Variants in JAKMIP1 observed in about 807,000 individuals in gnomAD.
The protein encoded by JAKMIP1 is janus kinase and microtubule interacting protein 1.
A neutral mutation model predicts 113.0 loss-of-function variants in JAKMIP1; 33 were observed. The observed-to-expected ratio is 0.29, with a 90% CI of 0.22 to 0.39. JAKMIP1 has a LOEUF of 0.39. Ranked by LOEUF, JAKMIP1 falls within the 10% of genes least tolerant of loss-of-function variation. JAKMIP1 has a pLI of 1.00. For missense variants in JAKMIP1, 813 were observed against 1,080.5 expected, an observed-to-expected ratio of 0.75 and a Z score of 3.47; for synonymous variants, 480 against 459.9, an observed-to-expected ratio of 1.04 and a Z score of -0.56.
chr4:6,152,156 A>G (rs1721643306), intron 1 of JAKMIP1, among the ~76,000 whole-genome samples: 1 of 152,072 alleles, frequency 6.6e-6, no homozygotes, highest in South Asian at 2.1e-4. Context: ...AGACAGAGAG[A>G]GAGTGAGAGA....
Position 6,039,832 on chromosome 4 carries a change from G to A in JAKMIP1, c.2175+807C>T, listed in dbSNP as rs561510186. Among the ~76,000 whole-genome samples the A allele has an allele frequency of 2.0e-5, 3 of 152,262 alleles. No individual in the cohort carries two copies. The South Asian group carries it at 6.2e-4, about 32-fold the overall frequency. ...ATGCTACCTGCTCTCTGTCTTCCTG[G>A]AGCCTGTCATGGGAAGTAGAGTTTT... On this transcript the variant is annotated intron_variant, in intron 18 of 20. Coordinates refer to ENST00000409021, the MANE Select transcript of JAKMIP1 (RefSeq NM_001099433.2).
rs148655169 is a variant in JAKMIP1 at position 6,158,069 on chromosome 4, G to A, written c.-148+42184C>T. Reference sequence around the variant, plus strand: ...AGGGCTCAAGCTGTCGGCCAGCGCCGTCCCTCTCCCTGTGTGAGACGCTGG... The same window carrying A: ...AGGGCTCAAGCTGTCGGCCAGCGCCATCCCTCTCCCTGTGTGAGACGCTGG... On this transcript the variant is annotated intron_variant, in intron 1 of 20. Coordinates refer to ENST00000409021, the MANE Select transcript of JAKMIP1 (RefSeq NM_001099433.2). This position sits in a 1 kb window ranked among gnomAD's most constrained non-coding sequence, Gnocchi z 5.3. Among the ~76,000 whole-genome samples, 13 of 152,232 alleles carry A rather than the reference G, an allele frequency of 8.5e-5. No homozygotes were observed. Among genetic ancestry groups the A allele is most frequent in the African/African-American group, 7.2e-5 (3 of 41,558 alleles).
Position 6,080,195 on chromosome 4 carries a change from G to T in JAKMIP1, c.1219C>A (p.His407Asn), listed in dbSNP as rs781439267. ...FLRLQVLEQQ[H>N]VIDDLSLERE... The stretch of plus-strand genomic sequence containing the variant: ...ACCAGTGAGAGGTCGTCAATGACGT[G>T]CTGCTGCTCCAGCACCTGCAGCCTC... The change falls in exon 7 of 21, where the codon CAC (histidine) becomes AAC (asparagine). Residue 407 changes from histidine to asparagine, a missense_variant. By Grantham distance (68) the His-to-Asn change is moderately conservative. This residue lies in a region of JAKMIP1 where 540 missense variants were observed against 653.9 expected (regional missense o/e 0.83). Coordinates refer to ENST00000409021, the MANE Select transcript of JAKMIP1 (RefSeq NM_001099433.2). The surrounding 1 kb of genome is among the most constrained non-coding windows in gnomAD (Gnocchi z 6.0). The T allele has an allele frequency of 6.2e-6, 10 of 1,612,770 alleles. No homozygotes were observed. In the Admixed American group the frequency reaches 1.5e-4, roughly 24 times the overall value.
In JAKMIP1 at chr4:6,136,821, C is replaced by G. The variant is rs976778225; in HGVS notation, c.-147-23824G>C. Among the ~76,000 whole-genome samples the G allele has an allele frequency of 6.6e-6, 1 of 152,222 alleles. No homozygotes were observed. Among genetic ancestry groups the G allele is most frequent in the Non-Finnish European group, 1.5e-5 (1 of 68,042 alleles). On this transcript the variant is annotated intron_variant, in intron 1 of 20. Transcript: ENST00000409021. The surrounding 1 kb of genome is among the most constrained non-coding windows in gnomAD (Gnocchi z 5.9). ...CTACACAGAAAGCCCTCGAGAACCA[C>G]TGGCAGAAAGCAAAAAGCTAGTTAC...
Position 6,139,077 on chromosome 4 carries a change from CACACACATATACACACACACACACACA to C in JAKMIP1, c.-147-26107_-147-26081del, listed in dbSNP as rs1560257798. ...AGAAACACACACACACACACACACA[CACACACATATACACACACACACACACA>C]CCAGCAGGTCAGCCCTGCTCTCCTC... On this transcript the variant is annotated intron_variant, in intron 1 of 20. Transcript: ENST00000409021. The surrounding 1 kb of genome is among the most constrained non-coding windows in gnomAD (Gnocchi z 5.2). Among the ~76,000 whole-genome samples, 6 of 140,538 alleles carry C rather than the reference CACACACATATACACACACACACACACA, an allele frequency of 4.3e-5. No homozygotes were observed. The East Asian group carries it at 1.2e-3, about 28-fold the overall frequency. 92.2% of individuals were successfully genotyped at this position (140,538 alleles called of 152,430 possible). A position where few individuals can be genotyped will look rare whatever the true frequency, so the allele number is the denominator to read the frequency against.
rs757473072 is a variant in JAKMIP1, at chr4:6,093,342, A to G, written c.625-7713T>C. Among the ~76,000 whole-genome samples, 10 of 152,196 alleles carry G rather than the reference A, an allele frequency of 6.6e-5. No homozygotes were observed. The highest frequency in any genetic ancestry group is 2.2e-4 in the African/African-American group (9 of 41,446). ...CTGGAATCGTGTCTTATTTTTCTCTATAACTCAGTAAATAAATATTCAACT... is the reference window on the plus strand; with the variant it reads ...CTGGAATCGTGTCTTATTTTTCTCTGTAACTCAGTAAATAAATATTCAACT... On this transcript the variant is annotated intron_variant, in intron 3 of 20. Coordinates refer to ENST00000409021, the MANE Select transcript of JAKMIP1 (RefSeq NM_001099433.2). This position sits in a 1 kb window ranked among gnomAD's most constrained non-coding sequence, Gnocchi z 4.6.
intron 20 of JAKMIP1, among the ~76,000 whole-genome samples, 186 bp from the exon 21 acceptor site, chr4:6,026,464 C>T (rs1251114187): frequency 2.0e-5 from 3 of 152,096 alleles, no homozygotes; most frequent in Admixed American, 6.5e-5. Context: ...GGAAACGCAT[C>T]CTGGGGTCTT....
chr4:6,118,505 G>A (rs762848158), intron 1 of JAKMIP1, among the ~76,000 whole-genome samples: 1 of 152,122 alleles, frequency 6.6e-6, no homozygotes, highest in Non-Finnish European at 1.5e-5. Flanking sequence ...GGATTGGTTC[G>A]CAGGAGGTGG....
intron 1 of JAKMIP1, among the ~76,000 whole-genome samples, chr4:6,175,893 A>C (rs953757553): frequency 7.2e-5 from 11 of 152,232 alleles, no homozygotes; most frequent in African/African-American, 2.7e-4. Flanking sequence ...GTCCTCTCTG[A>C]ACCAGTTTCC....
chr4:6,152,345 A>G (rs1721667966), intron 1 of JAKMIP1, among the ~76,000 whole-genome samples: 2 of 152,058 alleles, frequency 1.3e-5, no homozygotes, highest in South Asian at 4.1e-4. Flanking sequence ...TCTTTGGTGG[A>G]GGCTGCATTA....
chr4:6,129,650 C>A lies in JAKMIP1; in HGVS notation c.-147-16653G>T, dbSNP rs949566623. On this transcript the variant is annotated intron_variant, in intron 1 of 20. Coordinates refer to ENST00000409021, the MANE Select transcript of JAKMIP1 (RefSeq NM_001099433.2). The surrounding 1 kb of genome is among the most constrained non-coding windows in gnomAD (Gnocchi z 5.4). Reference sequence around the variant, plus strand: ...TTTGTCCAGACCCCCACTCAGCTGCCGTTCTCAATATTTCCCTACACAGAT... The same window carrying A: ...TTTGTCCAGACCCCCACTCAGCTGCAGTTCTCAATATTTCCCTACACAGAT... Among the ~76,000 whole-genome samples, 7 of 152,110 alleles carry A rather than the reference C, an allele frequency of 4.6e-5. No individual in the cohort carries two copies. The East Asian group carries it at 1.4e-3, about 30-fold the overall frequency.
rs1720517018 is a variant in JAKMIP1, at chr4:6,081,403, C to T, written c.1101+206G>A. On this transcript the variant is annotated intron_variant, in intron 6 of 20. Transcript: ENST00000409021. The surrounding 1 kb of genome is among the most constrained non-coding windows in gnomAD (Gnocchi z 4.6). ...TTTAAGGACACAGCTGTCTGACTCC[C>T]TCTGGGCACAAACACCCACAGCACA... 6.6e-6 allele frequency among the ~76,000 whole-genome samples: 1 copy of T among 152,194 alleles called. No homozygotes were observed. The highest frequency in any genetic ancestry group is 1.5e-5 in the Non-Finnish European group (1 of 68,040).
intron 1 of JAKMIP1, among the ~76,000 whole-genome samples, chr4:6,146,316 A>G (rs1348746533): frequency 6.6e-6 from 1 of 152,180 alleles, no homozygotes; most frequent in Non-Finnish European, 1.5e-5. Context: ...ATTTTGAGAC[A>G]GGGTCTCACT....
At chr4:6,172,188 C>T (rs1724806491) in intron 1 of JAKMIP1, among the ~76,000 whole-genome samples, 1 of 152,206 alleles carries the variant, frequency 6.6e-6, no homozygotes, top group Non-Finnish European at 1.5e-5. Context: ...TCTGACTTGG[C>T]AGGAAAGCTG....
chr4:6,148,515 C>T (rs553488598), intron 1 of JAKMIP1, among the ~76,000 whole-genome samples: 2 of 152,294 alleles, frequency 1.3e-5, no homozygotes, highest in African/African-American at 4.8e-5. Context: ...GGCACGGACT[C>T]TGCGCCGGGC....
Position 6,042,493 on chromosome 4 carries a change from T to A in JAKMIP1, c.2029-266A>T, listed in dbSNP as rs1438358955. On this transcript the variant is annotated intron_variant, in intron 16 of 20. Transcript: ENST00000409021. The surrounding 1 kb of genome is among the most constrained non-coding windows in gnomAD (Gnocchi z 5.2). Reference sequence around the variant, plus strand: ...GATTCAGAGCCTGGATGGACCCGAGTGTGGGCGGCTGCGAGTGTGTGCAGC... The same window carrying A: ...GATTCAGAGCCTGGATGGACCCGAGAGTGGGCGGCTGCGAGTGTGTGCAGC... 6.6e-6 allele frequency among the ~76,000 whole-genome samples: 1 copy of A among 151,704 alleles called. No individual in the cohort carries two copies. The highest frequency in any genetic ancestry group is 1.9e-4 in the East Asian group (1 of 5,152).
intron 13 of JAKMIP1, among the ~76,000 whole-genome samples, chr4:6,052,512 G>T (rs1282720157): frequency 6.6e-6 from 1 of 152,000 alleles, no homozygotes; most frequent in South Asian, 2.1e-4. Flanking sequence ...TGGGTGAGGA[G>T]GTGTGTGCCT....
rs1021422146 is a variant in JAKMIP1 at position 6,050,472 on chromosome 4, T to A, written c.1908+106A>T. 5 of 731,924 alleles carry A rather than the reference T, an allele frequency of 6.8e-6. No individual in the cohort carries two copies. The African/African-American group carries it at 8.9e-5, about 13-fold the overall frequency. The allele number at this position is 731,924 out of a possible 1,614,324, so 45.3% of individuals were successfully genotyped here. On this transcript the variant is annotated intron_variant, in intron 14 of 20. Transcript: ENST00000409021. The surrounding 1 kb of genome is among the most constrained non-coding windows in gnomAD (Gnocchi z 7.4). ...ACTGTGACTTTCAACACAAGGGGTA[T>A]CTCATGAAAATCAATTCTATCCCAG...
chr4:6,105,322 T>C, intron 3 of JAKMIP1, 151 bp downstream of exon 3: 1 of 680,518 alleles, frequency 1.5e-6, no homozygotes, highest in South Asian at 2.0e-5. Flanking sequence ...AAAGCCTCCT[T>C]ACCACACCTA....
Sources: gnomAD v4.1 joint callset for allele counts (sites outside exome capture counted in the v4.1 genomes callset) on GRCh38, gnomAD v4.1.1 for gene constraint, gnomAD v4.1.1 regional missense constraint, Gnocchi (gnomAD v3.1) non-coding constraint, MANE v1.5 for transcripts, NCBI Gene and HGNC (gene_info 2026-07-23, HGNC 2026-07-21) for gene names.